Variants in ETV6 observed in about 807,000 individuals in gnomAD.
The protein encoded by ETV6 is transcription factor ETV6.
ETV6 carries 16 observed loss-of-function variants against 51.1 expected under a neutral mutation model. The ratio of observed to expected loss-of-function variants is 0.31; its 90% CI spans 0.21 to 0.48. The LOEUF (loss-of-function observed/expected upper bound fraction) is 0.48. Among genes scored for constraint, ETV6 ranks in the 20% least tolerant of loss-of-function variants. The probability of loss-of-function intolerance (pLI) is 0.99; values close to 1 mark genes in which losing one functional copy is unlikely to be tolerated. For synonymous variants in ETV6, 240 were observed against 224.1 expected, an observed-to-expected ratio of 1.07 and a Z score of -0.64; for missense variants, 458 against 594.8, an observed-to-expected ratio of 0.77 and a Z score of 2.39.
intron 1 of ETV6, among the ~76,000 whole-genome samples, chr12:11,674,317 A>G (rs1325464107): frequency 6.6e-6 from 1 of 152,168 alleles, no homozygotes; most frequent in Admixed American, 6.5e-5. Flanking sequence ...TCTGGGCCAA[A>G]GAGCAGATGG....
intron 1 of ETV6, among the ~76,000 whole-genome samples, chr12:11,656,775 CTT>C (rs1375007427): frequency 6.6e-6 from 1 of 151,894 alleles, no homozygotes; most frequent in African/African-American, 2.4e-5. Flanking sequence ...GGCTAGACAC[CTT>C]CTTTGCCTGC....
chr12:11,751,987 A>G (rs191828697), intron 1 of ETV6: 7 of 329,864 alleles, frequency 2.1e-5, no homozygotes, highest in Non-Finnish European at 1.2e-5. Context: ...TCAGCTCACT[A>G]TGGAAGTGAA....
intron 5 of ETV6, among the ~76,000 whole-genome samples, chr12:11,873,697 C>A (rs1213709774): frequency 8.9e-6 from 1 of 112,988 alleles, no homozygotes; most frequent in Non-Finnish European, 1.8e-5. Flanking sequence ...CATTTGGACA[C>A]CTTCTGTGTA....
At chr12:11,781,832 T>C (rs1232886842) in intron 2 of ETV6, among the ~76,000 whole-genome samples, 3 of 152,222 alleles carry the variant, frequency 2.0e-5, no homozygotes, top group Non-Finnish European at 4.4e-5. Context: ...ATTAGATGAG[T>C]ACTTTCTCTG....
At chr12:11,760,634 CTGAT>C (rs747546367) in intron 2 of ETV6, among the ~76,000 whole-genome samples, 36 of 152,132 alleles carry the variant, frequency 2.4e-4, no homozygotes, top group Non-Finnish European at 4.6e-4. Context: ...TTATGGAGCT[CTGAT>C]TGAGAAGTAT....
Position 11,841,954 on chromosome 12 carries a change from C to T in ETV6, c.328+2650C>T, listed in dbSNP as rs1014049028. Among the ~76,000 whole-genome samples the T allele has an allele frequency of 8.0e-4, 121 of 150,612 alleles. 1 individual carries two copies. The highest frequency in any genetic ancestry group is 7.8e-3 in the Admixed American group (118 of 15,178). On this transcript the variant is annotated intron_variant, in intron 3 of 7. Coordinates refer to ENST00000396373, the MANE Select transcript of ETV6 (RefSeq NM_001987.5). ...AAAATTAGCCGGGCGTAGTGGCGGGCGCCTGTAGTCCCAGCTACTTGGGAG... is the reference window on the plus strand; with the variant it reads ...AAAATTAGCCGGGCGTAGTGGCGGGTGCCTGTAGTCCCAGCTACTTGGGAG...
At chr12:11,863,682 G>A (rs1046107738) in intron 4 of ETV6, among the ~76,000 whole-genome samples, 4 of 152,168 alleles carry the variant, frequency 2.6e-5, no homozygotes, top group African/African-American at 9.7e-5. Context: ...ACATCTGGGG[G>A]ATTTAATGCA....
At chr12:11,690,276 T>G (rs1276369618) in intron 1 of ETV6, among the ~76,000 whole-genome samples, 1 of 151,898 alleles carries the variant, frequency 6.6e-6, no homozygotes, top group African/African-American at 2.4e-5. Context: ...TCCCCCTTCC[T>G]CACGTCCTTA....
In ETV6 at chr12:11,869,549, G is replaced by C; in HGVS notation, c.589G>C (p.Glu197Gln). Residue 197 changes from glutamate to glutamine, a missense_variant, in exon 5 of 8, where the codon GAG (glutamate) becomes CAG (glutamine). Glu to Gln is a conservative substitution (Grantham distance 29, BLOSUM62 2). Transcript: ENST00000396373. This position sits in a 1 kb window ranked among gnomAD's most constrained non-coding sequence, Gnocchi z 5.0. ...TTNHRPSPDPEQRPLRSPLDN... is the reference protein window; with the variant it reads ...TTNHRPSPDPQQRPLRSPLDN... ...AAATCACCGGCCTTCTCCTGACCCCGAGCAGCGGCCCCTCCGGTCCCCCCT... is the reference window on the plus strand; with the variant it reads ...AAATCACCGGCCTTCTCCTGACCCCCAGCAGCGGCCCCTCCGGTCCCCCCT... 1.2e-6 allele frequency: 2 copies of C among 1,614,058 alleles called. No individual in the cohort carries two copies. The highest frequency in any genetic ancestry group is 1.7e-6 in the Non-Finnish European group (2 of 1,180,002).
rs181207210 is a variant in ETV6 at position 11,772,210 on chromosome 12, C to T, written c.163+19631C>T. On this transcript the variant is annotated intron_variant, in intron 2 of 7. Transcript: ENST00000396373. The stretch of plus-strand genomic sequence containing the variant: ...CAACATCTGGAAGCTAGGCAGCCAA[C>T]AGAGGGGTTAATTTTTCTGGAACCT... 1.9e-4 allele frequency among the ~76,000 whole-genome samples: 29 copies of T among 152,310 alleles called. 1 individual carries two copies. The highest frequency in any genetic ancestry group is 1.9e-3 in the Admixed American group (29 of 15,298).
chr12:11,822,544 T>C (rs913069405), intron 2 of ETV6, among the ~76,000 whole-genome samples: 1 of 152,018 alleles, frequency 6.6e-6, no homozygotes, highest in East Asian at 1.9e-4. Context: ...ACCGGAAGAG[T>C]GTTTAACCTA....
chr12:11,809,924 A>C (rs1449072853), intron 2 of ETV6, among the ~76,000 whole-genome samples: 1 of 148,190 alleles, frequency 6.7e-6, no homozygotes, highest in Non-Finnish European at 1.5e-5. Flanking sequence ...GATTCAAGCA[A>C]TTCTCCTGCC....
intron 2 of ETV6, among the ~76,000 whole-genome samples, chr12:11,769,492 C>G (rs141402775): frequency 1.3e-5 from 2 of 151,758 alleles, no homozygotes; most frequent in Non-Finnish European, 2.9e-5. Flanking sequence ...ACTCACAGTA[C>G]TAAGTTATTC....
chr12:11,781,688 C>T (rs907277869), intron 2 of ETV6, among the ~76,000 whole-genome samples: 11 of 152,170 alleles, frequency 7.2e-5, no homozygotes, highest in East Asian at 1.9e-4. Context: ...AAAGTCAGAA[C>T]TCTTCTTTTG....
At chr12:11,777,603 C>T (rs1945349395) in intron 2 of ETV6, among the ~76,000 whole-genome samples, 1 of 152,060 alleles carries the variant, frequency 6.6e-6, no homozygotes, top group Non-Finnish European at 1.5e-5. Context: ...CCCACCTGCG[C>T]TTAAAACCCC....
intron 3 of ETV6, among the ~76,000 whole-genome samples, chr12:11,851,217 A>T (rs1351651367): frequency 1.4e-5 from 2 of 148,076 alleles, no homozygotes; most frequent in South Asian, 2.1e-4. Context: ...TCCAAAATGG[A>T]TACACTAATT....
chr12:11,863,982 C>T (rs1946755772), intron 4 of ETV6, among the ~76,000 whole-genome samples: 1 of 152,206 alleles, frequency 6.6e-6, no homozygotes, highest in Non-Finnish European at 1.5e-5. Context: ...TTATCAGCTT[C>T]ATCAAGTACT....
intron 1 of ETV6, among the ~76,000 whole-genome samples, chr12:11,720,699 A>G (rs954897499): frequency 6.6e-6 from 1 of 152,216 alleles, no homozygotes; most frequent in African/African-American, 2.4e-5. Flanking sequence ...CCCAAAAGCA[A>G]TTGCAACAAA....
At chr12:11,753,588 C>T (rs1355201143) in intron 2 of ETV6, among the ~76,000 whole-genome samples, 1 of 152,234 alleles carries the variant, frequency 6.6e-6, no homozygotes, top group Non-Finnish European at 1.5e-5. Context: ...CTCTCCAGTT[C>T]TTCTCCTCCT....
Sources: gnomAD v4.1 joint callset for allele counts (sites outside exome capture counted in the v4.1 genomes callset) on GRCh38, gnomAD v4.1.1 for gene constraint, Gnocchi (gnomAD v3.1) non-coding constraint, MANE v1.5 for transcripts, NCBI Gene and HGNC (gene_info 2026-07-23, HGNC 2026-07-21) for gene names.